SZT2: variants seen among roughly 807,000 people sequenced by gnomAD.
SZT2 encodes the protein KICSTOR complex protein SZT2.
Under a neutral mutation model 404.2 loss-of-function variants are expected in SZT2, and 216 were observed. The ratio of observed to expected loss-of-function variants is 0.53; its 90% confidence interval spans 0.48 to 0.60. The LOEUF (loss-of-function observed/expected upper bound fraction) is 0.60. Among genes scored for constraint, SZT2 ranks in the 20% least tolerant of loss-of-function variants. The probability of loss-of-function intolerance (pLI) is 0.00; values close to 1 mark genes in which losing one functional copy is unlikely to be tolerated. For synonymous variants in SZT2, 1,693 were observed against 1,749.9 expected, an observed-to-expected ratio of 0.97 and a Z score of 0.81; for missense variants, 3,857 against 4,459.2, an observed-to-expected ratio of 0.86 and a Z score of 3.85.
intron 1 of SZT2, among the ~76,000 whole-genome samples, chr1:43,402,629 T>C (rs1218573730): frequency 1.3e-5 from 2 of 152,242 alleles, no homozygotes; most frequent in South Asian, 4.2e-4. Context: ...TATGAGGCAA[T>C]GGAGGCAAGA....
In SZT2 at chr1:43,439,598, T is replaced by G; in HGVS notation, c.6878-7T>G. Reference sequence around the variant, plus strand: ...AGAGCTGAGCCTTCCTATGGATTTCTACCCAGGGGTTGCCTGCATCACTCT... The same window carrying G: ...AGAGCTGAGCCTTCCTATGGATTTCGACCCAGGGGTTGCCTGCATCACTCT... On this transcript the variant is annotated splice_region_variant and splice_polypyrimidine_tract_variant and intron_variant, in intron 49 of 71. Transcript: ENST00000634258. The surrounding 1 kb of genome is among the most constrained non-coding windows in gnomAD (Gnocchi z 4.2). 6.2e-7 allele frequency: 1 copy of G among 1,613,886 alleles called. No homozygotes were observed. Among genetic ancestry groups the G allele is most frequent in the Non-Finnish European group, 8.5e-7 (1 of 1,179,866 alleles).
chr1:43,411,960 A>G (rs1158926387), intron 4 of SZT2: 1 of 151,700 alleles, frequency 6.6e-6, no homozygotes, highest in African/African-American at 2.4e-5. Context: ...TTGTATTTTA[A>G]GTAGAGACAG....
intron 5 of SZT2, 68 bp from the exon 6 acceptor site, chr1:43,415,892 C>G: frequency 6.6e-7 from 1 of 1,515,946 alleles, no homozygotes; most frequent in South Asian, 1.2e-5. Context: ...GCTATAAATT[C>G]TGGCTTTGCT....
chr1:43,425,053 G>A lies in SZT2; in HGVS notation c.2551-60G>A. ...ACTGAAATTCTGAGGGCCAGAGCTAGGCCAGGCCAGATCTCTGCCTTGGCT... is the reference window on the plus strand; with the variant it reads ...ACTGAAATTCTGAGGGCCAGAGCTAAGCCAGGCCAGATCTCTGCCTTGGCT... On this transcript the variant is annotated intron_variant, in intron 17 of 71. Coordinates refer to ENST00000634258, the MANE Select transcript of SZT2 (RefSeq NM_001365999.1). This position sits in a 1 kb window ranked among gnomAD's most constrained non-coding sequence, Gnocchi z 4.3. The A allele has an allele frequency of 6.2e-7, 1 of 1,600,856 alleles. No homozygotes were observed. The highest frequency in any genetic ancestry group is 8.6e-7 in the Non-Finnish European group (1 of 1,168,038).
Position 43,420,242 on chromosome 1 carries a change from G to C in SZT2, c.1180G>C (p.Glu394Gln). ...ALRRKKHTEK[E>Q]VPADLVSTVS... ...GCGCCGGAAGAAGCACACTGAGAAG[G>C]AGGTGCCAGCCGACTTGGTCAGCAC... The change falls in exon 9 of 72, where the codon GAG (glutamate) becomes CAG (glutamine). Residue 394 changes from glutamate to glutamine, a missense_variant. Around this residue, in one of 7 missense-constraint regions of SZT2, gnomAD observed 536 missense variants for 637.4 expected, o/e 0.84. Coordinates refer to ENST00000634258, the MANE Select transcript of SZT2 (RefSeq NM_001365999.1). The surrounding 1 kb of genome is among the most constrained non-coding windows in gnomAD (Gnocchi z 5.1). 1 of 1,598,446 alleles carries C rather than the reference G, an allele frequency of 6.3e-7. No homozygotes were observed. Among genetic ancestry groups the C allele is most frequent in the South Asian group, 1.1e-5 (1 of 91,078 alleles).
Position 43,439,152 on chromosome 1 carries a change from A to T in SZT2, c.6792+59A>T, listed in dbSNP as rs1003580226. On this transcript the variant is annotated intron_variant, in intron 48 of 71. Coordinates refer to ENST00000634258, the MANE Select transcript of SZT2 (RefSeq NM_001365999.1). This position sits in a 1 kb window ranked among gnomAD's most constrained non-coding sequence, Gnocchi z 4.2. ...TGCACCCCTGCCCCCTGCCCCACGC[A>T]CTTACTCTTTCCTACCGATACCCCT... 33 of 1,606,552 alleles carry T rather than the reference A, an allele frequency of 2.1e-5. No individual in the cohort carries two copies. Among genetic ancestry groups the T allele is most frequent in the Admixed American group, 5.0e-5 (3 of 59,844 alleles).
intron 1 of SZT2, among the ~76,000 whole-genome samples, chr1:43,392,851 T>G (rs1390766025): frequency 6.6e-6 from 1 of 152,172 alleles, no homozygotes; most frequent in Non-Finnish European, 1.5e-5. Context: ...AGAGAAAGAT[T>G]GGGTATAGTC....
chr1:43,453,524 C>T lies in SZT2; in HGVS notation c.*3044C>T, dbSNP rs934006314. 5 of 1,533,066 alleles carry T rather than the reference C, an allele frequency of 3.3e-6. No homozygotes were observed. In the South Asian group the frequency reaches 4.9e-5, roughly 15 times the overall value. 95.0% of individuals were successfully genotyped at this position (1,533,066 alleles called of 1,614,324 possible). A position where few individuals can be genotyped will look rare whatever the true frequency, so the allele number is the denominator to read the frequency against. Reference sequence around the variant, plus strand: ...TGCAGAGAGAACGGGCCTCAGCCCCCGGCTCGGACACTCCCCTGCCCGCGC... The same window carrying T: ...TGCAGAGAGAACGGGCCTCAGCCCCTGGCTCGGACACTCCCCTGCCCGCGC... On this transcript the variant is annotated 3_prime_UTR_variant, in exon 72 of 72. Transcript: ENST00000634258.
Position 43,425,025 on chromosome 1 carries a change from G to A in SZT2, c.2551-88G>A, listed in dbSNP as rs1652973100. 3 of 1,569,952 alleles carry A rather than the reference G, an allele frequency of 1.9e-6. No homozygotes were observed. The highest frequency in any genetic ancestry group is 1.7e-4 in the Middle Eastern group (1 of 5,968). On this transcript the variant is annotated intron_variant, in intron 17 of 71. Coordinates refer to ENST00000634258, the MANE Select transcript of SZT2 (RefSeq NM_001365999.1). The surrounding 1 kb of genome is among the most constrained non-coding windows in gnomAD (Gnocchi z 4.3). ...TGCAGTCATAGGACAATTTGGTGAG[G>A]GAACTGAAATTCTGAGGGCCAGAGC...
rs1230317493 is a variant in SZT2, at chr1:43,450,967, C to G, written c.*487C>G. The stretch of plus-strand genomic sequence containing the variant: ...CAATCCCAGCTCTGCCTTTGAAGCA[C>G]TTGTGGCCACCGTCAAGTCCCTTTG... On this transcript the variant is annotated 3_prime_UTR_variant, in exon 72 of 72. Coordinates refer to ENST00000634258, the MANE Select transcript of SZT2 (RefSeq NM_001365999.1). The surrounding 1 kb of genome is among the most constrained non-coding windows in gnomAD (Gnocchi z 4.3). The G allele has an allele frequency of 1.3e-6, 1 of 762,760 alleles. No homozygotes were observed. 47.2% of individuals were successfully genotyped at this position (762,760 alleles called of 1,614,324 possible).
At chr1:43,393,773 C>T (rs933578873) in intron 1 of SZT2, among the ~76,000 whole-genome samples, 7 of 152,172 alleles carry the variant, frequency 4.6e-5, no homozygotes, top group Non-Finnish European at 1.0e-4. Context: ...ACATGGTATG[C>T]AGCACAGTGC....
Position 43,453,176 on chromosome 1 carries a change from C to T in SZT2, c.*2696C>T. The T allele has an allele frequency of 1.5e-6, 1 of 653,496 alleles. No homozygotes were observed. The highest frequency in any genetic ancestry group is 1.8e-5 in the South Asian group (1 of 55,732). The allele number at this position is 653,496 out of a possible 1,614,324, so 40.5% of individuals were successfully genotyped here. A position where few individuals can be genotyped will look rare whatever the true frequency, so the allele number is the denominator to read the frequency against. On this transcript the variant is annotated 3_prime_UTR_variant, in exon 72 of 72. Coordinates refer to ENST00000634258, the MANE Select transcript of SZT2 (RefSeq NM_001365999.1). ...CAGACTGAGCTCCCAGCATGGGATC[C>T]CAGCATGGGGTGAGCATGAAAGAGT...
Position 43,439,801 on chromosome 1 carries a change from C to T in SZT2, c.7042+32C>T, listed in dbSNP as rs764753826. The T allele has an allele frequency of 2.1e-5, 33 of 1,565,780 alleles. No homozygotes were observed. In the Admixed American group the frequency reaches 5.4e-4, roughly 26 times the overall value. On this transcript the variant is annotated intron_variant, in intron 50 of 71. Transcript: ENST00000634258. The surrounding 1 kb of genome is among the most constrained non-coding windows in gnomAD (Gnocchi z 4.2). ...CAGCTTGGTCAGAGGATGAGGTGTTCAGTTATTGCTGTGGGAGGTAAGGGT... is the reference window on the plus strand; with the variant it reads ...CAGCTTGGTCAGAGGATGAGGTGTTTAGTTATTGCTGTGGGAGGTAAGGGT...
At chr1:43,392,745 A>G (rs1001978391) in intron 1 of SZT2, among the ~76,000 whole-genome samples, 35 of 152,264 alleles carry the variant, frequency 2.3e-4, no homozygotes, top group Non-Finnish European at 4.3e-4. Context: ...CCTGATTTGC[A>G]TTTCTGAAAA....
rs984593130 is a variant in SZT2, at chr1:43,453,868, G to A, written c.*3388G>A. 5 of 1,218,200 alleles carry A rather than the reference G, an allele frequency of 4.1e-6. No individual in the cohort carries two copies. The highest frequency in any genetic ancestry group is 5.1e-6 in the Non-Finnish European group (5 of 983,294). 75.5% of individuals were successfully genotyped at this position (1,218,200 alleles called of 1,614,324 possible). On this transcript the variant is annotated 3_prime_UTR_variant, in exon 72 of 72. Coordinates refer to ENST00000634258, the MANE Select transcript of SZT2 (RefSeq NM_001365999.1). ...GCGGCGGGCGGCGGGCGGCGGGCGGGGGCGGGGCTCTCCTTGCTGGCCCTG... is the reference window on the plus strand; with the variant it reads ...GCGGCGGGCGGCGGGCGGCGGGCGGAGGCGGGGCTCTCCTTGCTGGCCCTG...
In SZT2 at chr1:43,426,717, G is replaced by A. The variant is rs2153933245; in HGVS notation, c.3217G>A (p.Ala1073Thr). ...ACCCATCTCTACCCCCATTGTAGGT[G>A]CCGAGGGGCCACTGCTGGGGGTTCA... ...VLRRTCHVPG[A>T]EGPLLGVHGI... Residue 1073 changes from alanine (A) to threonine (T), a missense_variant and splice_region_variant, in exon 23 of 72, where the codon GCC becomes ACC. Around this residue, in one of 7 missense-constraint regions of SZT2, gnomAD observed 1,725 missense variants for 1,881.0 expected, o/e 0.92. Coordinates refer to ENST00000634258, the MANE Select transcript of SZT2 (RefSeq NM_001365999.1). This position sits in a 1 kb window ranked among gnomAD's most constrained non-coding sequence, Gnocchi z 4.9. 1.2e-6 allele frequency: 2 copies of A among 1,608,396 alleles called. No individual in the cohort carries two copies. The highest frequency in any genetic ancestry group is 1.7e-6 in the Non-Finnish European group (2 of 1,177,516).
At position 43,426,963 on chromosome 1, in the gene SZT2, A is replaced by T; in HGVS notation, c.3310-93A>T. 1.3e-6 allele frequency: 2 copies of T among 1,578,032 alleles called. No homozygotes were observed. The highest frequency in any genetic ancestry group is 1.7e-5 in the Admixed American group (1 of 57,958). ...TCCATTGTCCTGGATCTTTCAAGCT[A>T]TACCTAAGATGAGTCAGCTCTAGGG... On this transcript the variant is annotated intron_variant, in intron 23 of 71. Transcript: ENST00000634258. The surrounding 1 kb of genome is among the most constrained non-coding windows in gnomAD (Gnocchi z 4.9).
intron 4 of SZT2, among the ~76,000 whole-genome samples, chr1:43,413,616 C>G (rs1651336647): frequency 6.6e-6 from 1 of 152,092 alleles, no homozygotes; most frequent in Admixed American, 6.5e-5. Context: ...GAATACTATT[C>G]AGCCATAAAA....
chr1:43,450,874 C>G lies in SZT2; in HGVS notation c.*394C>G, dbSNP rs375767326. 7.6e-5 allele frequency: 55 copies of G among 725,340 alleles called. 1 individual carries two copies. The African/African-American group carries it at 8.2e-4, about 11-fold the overall frequency. The allele number at this position is 725,340 out of a possible 1,614,324, so 44.9% of individuals were successfully genotyped here. A position where few individuals can be genotyped will look rare whatever the true frequency, so the allele number is the denominator to read the frequency against. On this transcript the variant is annotated 3_prime_UTR_variant, in exon 72 of 72. Coordinates refer to ENST00000634258, the MANE Select transcript of SZT2 (RefSeq NM_001365999.1). This position sits in a 1 kb window ranked among gnomAD's most constrained non-coding sequence, Gnocchi z 4.3. Reference sequence around the variant, plus strand: ...CTGTCAGCCACCTGTGTCCCTTGAGCCTTCGGGTCTTCACTTCCCACTTGG... The same window carrying G: ...CTGTCAGCCACCTGTGTCCCTTGAGGCTTCGGGTCTTCACTTCCCACTTGG...
Sources: gnomAD v4.1 joint callset for allele counts (sites outside exome capture counted in the v4.1 genomes callset) on GRCh38, gnomAD v4.1.1 for gene constraint, gnomAD v4.1.1 regional missense constraint, Gnocchi (gnomAD v3.1) non-coding constraint, MANE v1.5 for transcripts, NCBI Gene and HGNC (gene_info 2026-07-23, HGNC 2026-07-21) for gene names.